SCHIP1: variants seen among roughly 807,000 people sequenced by gnomAD.
SCHIP1 encodes the protein schwannomin interacting protein 1, also known as schwannomin-interacting protein 1.
Under a neutral mutation model 29.7 loss-of-function variants are expected in SCHIP1, and 8 were observed. That is an observed-to-expected ratio of 0.27 (90% CI 0.16 to 0.49). The LOEUF is 0.49. Among genes scored for constraint, SCHIP1 ranks in the 20% least tolerant of loss-of-function variants. SCHIP1 has a pLI of 0.99. For missense variants in SCHIP1, 193 were observed against 294.6 expected (o/e 0.66, Z 2.52); for synonymous variants, 76 against 94.9 (o/e 0.80, Z 1.16).
At chr3:159,597,876 CAAA>C in the SCHIP1 span, among the ~76,000 whole-genome samples, 1 of 152,106 alleles carries the variant, frequency 6.6e-6, no homozygotes, top group Admixed American at 6.6e-5. Flanking sequence ...AATTTATAAA[CAAA>C]AGAGGTTTCA....
chr3:159,495,495 C>A, the SCHIP1 span, among the ~76,000 whole-genome samples: 1 of 152,184 alleles, frequency 6.6e-6, no homozygotes, highest in Non-Finnish European at 1.5e-5. Context: ...CATGAGTGAA[C>A]TCCCATTCAC....
At chr3:159,631,018 T>C in the SCHIP1 span, among the ~76,000 whole-genome samples, 1 of 152,076 alleles carries the variant, frequency 6.6e-6, no homozygotes, top group Non-Finnish European at 1.5e-5. Context: ...GGGCAAAGAA[T>C]TTGAAAAGAT....
the SCHIP1 span, among the ~76,000 whole-genome samples, chr3:159,825,202 CT>C: frequency 6.6e-6 from 1 of 152,100 alleles, no homozygotes; most frequent in African/African-American, 2.4e-5. Context: ...AAAAACTAGG[CT>C]TTTTTTTCTT....
At chr3:159,798,164 A>T in the SCHIP1 span, among the ~76,000 whole-genome samples, 7 of 152,206 alleles carry the variant, frequency 4.6e-5, no homozygotes, top group Non-Finnish European at 1.0e-4. Flanking sequence ...TAAATTTTAT[A>T]TAACAATTAG....
At chr3:159,430,334 A>C in the SCHIP1 span, among the ~76,000 whole-genome samples, 1 of 152,208 alleles carries the variant, frequency 6.6e-6, no homozygotes, top group South Asian at 2.1e-4. Flanking sequence ...TTTATGATGC[A>C]CAAAAATGGA....
chr3:159,403,201 G>A, the SCHIP1 span, among the ~76,000 whole-genome samples: 1 of 152,128 alleles, frequency 6.6e-6, no homozygotes, highest in Non-Finnish European at 1.5e-5. Context: ...GGAGGGTGGA[G>A]TATTAAATAT....
the SCHIP1 span, among the ~76,000 whole-genome samples, chr3:159,305,497 C>G: frequency 1.3e-5 from 2 of 152,148 alleles, no homozygotes; most frequent in African/African-American, 4.8e-5. Flanking sequence ...CTTTTTCTGT[C>G]TAAAGCGAAT....
the SCHIP1 span, among the ~76,000 whole-genome samples, chr3:159,806,553 C>T: frequency 7.9e-5 from 12 of 152,154 alleles, no homozygotes; most frequent in African/African-American, 2.9e-4. Context: ...TGCACAAACC[C>T]AATATTAGAA....
the SCHIP1 span, among the ~76,000 whole-genome samples, chr3:159,599,216 G>A: frequency 6.6e-6 from 1 of 152,058 alleles, no homozygotes; most frequent in African/African-American, 2.4e-5. Flanking sequence ...GTGAGGCTTT[G>A]TTTCTTTAAT....
chr3:159,582,987 T>C, the SCHIP1 span, among the ~76,000 whole-genome samples: 1 of 152,188 alleles, frequency 6.6e-6, no homozygotes, highest in Non-Finnish European at 1.5e-5. Flanking sequence ...ATTTTACTCT[T>C]AATACAGTAT....
the SCHIP1 span, among the ~76,000 whole-genome samples, chr3:159,325,769 C>T: frequency 6.6e-6 from 1 of 152,080 alleles, no homozygotes; most frequent in Admixed American, 6.6e-5. Flanking sequence ...AAACAAAGCA[C>T]ACATCCTCTG....
chr3:159,669,204 G>A, the SCHIP1 span, among the ~76,000 whole-genome samples: 10 of 152,278 alleles, frequency 6.6e-5, no homozygotes, highest in East Asian at 3.9e-4. Context: ...AACAATGTAC[G>A]TAAAGCAAAG....
the SCHIP1 span, among the ~76,000 whole-genome samples, chr3:159,402,016 T>C: frequency 5.9e-5 from 9 of 152,000 alleles, no homozygotes; most frequent in Admixed American, 5.9e-4. Context: ...GGAGAAAATT[T>C]TTGCAACCTA....
the SCHIP1 span, among the ~76,000 whole-genome samples, chr3:159,828,392 T>C: frequency 3.0e-4 from 19 of 63,146 alleles, 4 homozygotes; most frequent in Admixed American, 3.8e-3. Flanking sequence ...TATATACATA[T>C]ATACGTATAT....
At chr3:159,500,221 G>A in the SCHIP1 span, among the ~76,000 whole-genome samples, 4 of 152,092 alleles carry the variant, frequency 2.6e-5, no homozygotes, top group South Asian at 6.2e-4. Flanking sequence ...CTCAGGATGT[G>A]TGTTTGATTC....
the SCHIP1 span, among the ~76,000 whole-genome samples, chr3:159,623,943 C>G: frequency 6.6e-6 from 1 of 152,138 alleles, no homozygotes; most frequent in Non-Finnish European, 1.5e-5. Flanking sequence ...TGCCTTCCAC[C>G]TGAGTCTAAG....
At chr3:159,622,017 C>T in the SCHIP1 span, among the ~76,000 whole-genome samples, 1 of 152,228 alleles carries the variant, frequency 6.6e-6, no homozygotes, top group Admixed American at 6.5e-5. Context: ...AGGCCCCTGG[C>T]AAAACCTCTA....
intron 1 of SCHIP1, among the ~76,000 whole-genome samples, chr3:159,860,125 G>GA (rs1173230347): frequency 5.3e-5 from 8 of 152,240 alleles, no homozygotes; most frequent in Non-Finnish European, 8.8e-5. Flanking sequence ...GGCCACGGGG[G>GA]ACCAGTGTAT....
At chr3:159,893,773 A>G (rs904169122) in intron 6 of SCHIP1, 5 of 152,138 alleles carry the variant, frequency 3.3e-5, no homozygotes, top group African/African-American at 1.2e-4. Context: ...TGTTGGAGGC[A>G]TTCTTTGAAT....
Sources: allele counts gnomAD v4.1 joint callset (sites outside exome capture counted in the v4.1 genomes callset), GRCh38; gene constraint gnomAD v4.1.1; transcripts MANE v1.5; gene names NCBI Gene and HGNC (gene_info 2026-07-23, HGNC 2026-07-21).